TRPM3: variants seen among roughly 807,000 people sequenced by gnomAD.
TRPM3 encodes transient receptor potential cation channel subfamily M member 3.
In TRPM3, 77 loss-of-function variants were observed where a neutral mutation model predicts 181.2. The ratio of observed to expected loss-of-function variants is 0.42; its 90% confidence interval spans 0.35 to 0.51. The LOEUF (loss-of-function observed/expected upper bound fraction) is 0.51, where lower values mean the gene tolerates loss of function less well. Among genes scored for constraint, TRPM3 ranks in the 20% least tolerant of loss-of-function variants. The probability of loss-of-function intolerance (pLI) is 0.01; values close to 1 mark genes in which losing one functional copy is unlikely to be tolerated. For missense variants in TRPM3, 1,759 were observed against 2,196.7 expected, an observed-to-expected ratio of 0.80 and a Z score of 3.98; for synonymous variants, 745 against 796.4, an observed-to-expected ratio of 0.94 and a Z score of 1.09.
chr9:71,220,089 T>A (rs891644130), intron 1 of TRPM3, among the ~76,000 whole-genome samples: 6 of 152,224 alleles, frequency 3.9e-5, no homozygotes. Flanking sequence ...TATTTCTGCC[T>A]GGTGAACTGT....
At chr9:70,850,628 A>AT (rs1421837611) in intron 3 of TRPM3, among the ~76,000 whole-genome samples, 3 of 152,080 alleles carry the variant, frequency 2.0e-5, no homozygotes, top group Non-Finnish European at 2.9e-5. Flanking sequence ...AAATAATAAC[A>AT]TTTTTTCTGT....
intron 1 of TRPM3, among the ~76,000 whole-genome samples, chr9:71,331,275 A>C (rs1343089013): frequency 2.6e-5 from 4 of 151,952 alleles, no homozygotes; most frequent in African/African-American, 9.7e-5. Context: ...TGAAATCTGA[A>C]AATATGTGTT....
At chr9:70,892,991 T>C (rs2096233349) in intron 1 of TRPM3, among the ~76,000 whole-genome samples, 1 of 152,204 alleles carries the variant, frequency 6.6e-6, no homozygotes, top group Non-Finnish European at 1.5e-5. Context: ...GTTGTTAATA[T>C]GCTGCAACAT....
Position 71,348,552 on chromosome 9 carries a change from A to ATTTATT in TRPM3, c.183+98100_183+98101insAATAAA, listed in dbSNP as rs1340275998. On this transcript the variant is annotated intron_variant, in intron 1 of 24. Coordinates refer to the TRPM3 transcript ENST00000357533. ...TTCTGAAAACAGTTTATTTATTTAT[A>ATTTATT]TATTTATTTATTTATTTATTTATTT... Among the ~76,000 whole-genome samples, 476 of 148,558 alleles carry ATTTATT rather than the reference A, an allele frequency of 3.2e-3. 3 individuals carry two copies. Among genetic ancestry groups the ATTTATT allele is most frequent in the Middle Eastern group, 0.014 (4 of 286 alleles).
intron 1 of TRPM3, among the ~76,000 whole-genome samples, chr9:71,369,740 T>C (rs1294884936): frequency 1.3e-5 from 2 of 152,218 alleles, no homozygotes; most frequent in African/African-American, 4.8e-5. Context: ...ACTTTGTAAA[T>C]ATCATCACTT....
At chr9:70,847,303 A>G (rs982260978) in intron 3 of TRPM3, among the ~76,000 whole-genome samples, 1 of 152,224 alleles carries the variant, frequency 6.6e-6, no homozygotes, top group African/African-American at 2.4e-5. Flanking sequence ...AACCATATAT[A>G]TAGATACTCA....
intron 1 of TRPM3, among the ~76,000 whole-genome samples, chr9:71,330,891 C>A (rs1018700128): frequency 1.3e-5 from 2 of 151,770 alleles, no homozygotes; most frequent in Non-Finnish European, 2.9e-5. Flanking sequence ...GGAGGGGCAG[C>A]AGCTGATAGA....
intron 1 of TRPM3, among the ~76,000 whole-genome samples, chr9:71,302,060 A>G (rs2086827233): frequency 6.6e-6 from 1 of 151,990 alleles, no homozygotes; most frequent in Non-Finnish European, 1.5e-5. Context: ...AATATAGCAA[A>G]CTCCAAATGT....
chr9:70,763,410 C>A (rs1355421077), intron 7 of TRPM3, among the ~76,000 whole-genome samples: 1 of 152,014 alleles, frequency 6.6e-6, no homozygotes. Context: ...ACTTGAGATG[C>A]TGAGGTGGGA....
At chr9:71,202,879 A>T (rs1587932657) in intron 1 of TRPM3, among the ~76,000 whole-genome samples, 1 of 152,228 alleles carries the variant, frequency 6.6e-6, no homozygotes, top group Non-Finnish European at 1.5e-5. Context: ...AGCTTACAAT[A>T]GTGTCTGCTC....
intron 22 of TRPM3, among the ~76,000 whole-genome samples, chr9:70,575,571 A>G (rs979903903): frequency 5.3e-5 from 8 of 152,174 alleles, no homozygotes; most frequent in Middle Eastern, 3.2e-3. Flanking sequence ...CTTCATCAAA[A>G]ACAATAATAT....
chr9:70,964,749 T>A (rs900729207), intron 1 of TRPM3, among the ~76,000 whole-genome samples: 5 of 152,110 alleles, frequency 3.3e-5, no homozygotes, highest in Admixed American at 3.3e-4. Context: ...GGGTTTCAAA[T>A]AAATCACCTT....
At position 70,864,440 on chromosome 9, in the gene TRPM3, G is replaced by A. The variant is rs774385589; in HGVS notation, c.249C>T (p.Asp83=). ...ATAGACAGCAAGATTACCTATGGGG[G>A]TCTTTGGTGCTGGGTATGATGTGGA... ...ECVHIIPSTK[D]PHRCCCGRLI... Residue 83 remains aspartate, a synonymous_variant, in exon 2 of 26, where the codon GAC becomes GAT. Coordinates refer to ENST00000677713, the MANE Select transcript of TRPM3 (RefSeq NM_001366145.2). 37 of 1,476,040 alleles carry A rather than the reference G, an allele frequency of 2.5e-5. No individual in the cohort carries two copies. Among genetic ancestry groups the A allele is most frequent in the Non-Finnish European group, 3.3e-5 (37 of 1,120,410 alleles). The allele number at this position is 1,476,040 out of a possible 1,614,324, so 91.4% of individuals were successfully genotyped here.
intron 1 of TRPM3, among the ~76,000 whole-genome samples, chr9:71,027,421 C>T (rs1358398980): frequency 6.6e-6 from 1 of 152,180 alleles, no homozygotes; most frequent in Admixed American, 6.5e-5. Context: ...TTTCTCCAAA[C>T]AAACACACTA....
intron 24 of TRPM3, 110 bp downstream of exon 24, chr9:70,552,734 G>T: frequency 8.9e-7 from 1 of 1,125,490 alleles, no homozygotes; most frequent in Non-Finnish European, 1.3e-6. Context: ...GCTGTCTGCA[G>T]CCTGCAAGAG....
At chr9:71,275,910 T>G (rs12553005) in intron 1 of TRPM3, among the ~76,000 whole-genome samples, 5,687 of 151,996 alleles carry the variant, frequency 0.037, 147 homozygotes, top group East Asian at 0.11. Flanking sequence ...GGCGTGATCT[T>G]GGCTCACTGC....
chr9:71,021,300 T>C (rs2097845205), intron 1 of TRPM3, among the ~76,000 whole-genome samples: 1 of 151,854 alleles, frequency 6.6e-6, no homozygotes, highest in Admixed American at 6.5e-5. Context: ...TGAAAACTTA[T>C]TAAGCTATGC....
At chr9:70,970,215 C>T (rs1033466552) in intron 1 of TRPM3, among the ~76,000 whole-genome samples, 1 of 151,980 alleles carries the variant, frequency 6.6e-6, no homozygotes, top group African/African-American at 2.4e-5. Flanking sequence ...TAAAATATTC[C>T]CACCAGAGTG....
intron 1 of TRPM3, among the ~76,000 whole-genome samples, chr9:71,028,736 GT>G (rs1319995922): frequency 6.6e-6 from 1 of 151,968 alleles, no homozygotes; most frequent in East Asian, 1.9e-4. Flanking sequence ...AGGGTAAAGG[GT>G]TCAATTCAGC....
Sources: gnomAD v4.1 joint callset for allele counts (sites outside exome capture counted in the v4.1 genomes callset) on GRCh38, gnomAD v4.1.1 for gene constraint, MANE v1.5 for transcripts, NCBI Gene and HGNC (gene_info 2026-07-23, HGNC 2026-07-21) for gene names.